CECR2: variants seen among roughly 807,000 people sequenced by gnomAD.
The protein encoded by CECR2 is CECR2 histone acetyl-lysine reader, also known as chromatin remodeling regulator CECR2.
A neutral mutation model predicts 154.5 loss-of-function variants in CECR2; 30 were observed. The ratio of observed to expected loss-of-function variants is 0.19; its 90% confidence interval spans 0.15 to 0.26. The LOEUF (loss-of-function observed/expected upper bound fraction) is 0.26. Among genes scored for constraint, CECR2 ranks in the 10% least tolerant of loss-of-function variants. CECR2 has a pLI of 1.00. For synonymous variants in CECR2, 725 were observed against 683.7 expected (o/e 1.06, Z -0.94); for missense variants, 1,743 against 1,829.3 (o/e 0.95, Z 0.86).
chr22:17,552,853 A>G lies in CECR2; in HGVS notation c.*13A>G. 3 of 1,541,984 alleles carry G rather than the reference A, an allele frequency of 1.9e-6. No individual in the cohort carries two copies. The highest frequency in any genetic ancestry group is 2.6e-6 in the Non-Finnish European group (3 of 1,143,320). On this transcript the variant is annotated 3_prime_UTR_variant, in exon 19 of 19. Transcript: ENST00000262608. ...CTTTCAGAGCTAGTCCAAGGAGGAA[A>G]TGAGCCCCAAGCAATGGAAAGCTGC...
At chr22:17,518,843 G>A (rs914150302) in intron 8 of CECR2, 40 of 271,742 alleles carry the variant, frequency 1.5e-4, no homozygotes, top group African/African-American at 8.9e-4. Context: ...GAGAGCTGAT[G>A]TAGGAGTTTT....
chr22:17,502,921 T>C (rs1176598490), intron 5 of CECR2, among the ~76,000 whole-genome samples, 161 bp from the exon 6 acceptor site: 2 of 152,212 alleles, frequency 1.3e-5, no homozygotes, highest in Non-Finnish European at 2.9e-5. Context: ...TGCATCTTAG[T>C]GTTCATTTAT....
At chr22:17,518,528 T>A in intron 8 of CECR2, 1 of 282,134 alleles carries the variant, frequency 3.5e-6, no homozygotes, top group South Asian at 4.3e-5. Flanking sequence ...TTTCATGCCT[T>A]TGTCAATATG....
intron 1 of CECR2, among the ~76,000 whole-genome samples, chr22:17,403,428 T>C (rs1293003421): frequency 6.6e-6 from 1 of 152,214 alleles, no homozygotes; most frequent in Non-Finnish European, 1.5e-5. Context: ...CTTGGACAAA[T>C]ACTTAGTAGT....
At chr22:17,485,062 A>AT (rs1270650907) in intron 2 of CECR2, among the ~76,000 whole-genome samples, 1 of 152,214 alleles carries the variant, frequency 6.6e-6, no homozygotes, top group Non-Finnish European at 1.5e-5. Context: ...ACAGGACAGC[A>AT]TAACACTGTC....
intron 1 of CECR2, among the ~76,000 whole-genome samples, chr22:17,372,056 CT>C (rs545804506): frequency 2.0e-3 from 297 of 152,272 alleles, no homozygotes; most frequent in African/African-American, 7.0e-3. Context: ...TATGACTGTC[CT>C]CTCTTTTGAC....
At position 17,548,991 on chromosome 22, in the gene CECR2, C is replaced by G. The variant is rs1188591297; in HGVS notation, c.3704C>G (p.Ser1235Cys). 4 of 1,614,002 alleles carry G rather than the reference C, an allele frequency of 2.5e-6. No homozygotes were observed. The highest frequency in any genetic ancestry group is 3.4e-6 in the Non-Finnish European group (4 of 1,179,890). ...GCCAGTCAGCCTCCCCCACCAAGGT[C>G]CCTCTTCTCAGATAAGAATGCCATG... Reference protein sequence around the residue: ...PPASQPPPPRSLFSDKNAMAS... With the variant: ...PPASQPPPPRCLFSDKNAMAS... The change falls in exon 17 of 19, where the codon TCC (serine) becomes TGC (cysteine). Residue 1235 changes from serine to cysteine, a missense_variant. By Grantham distance (112) the Ser-to-Cys change is moderately radical (BLOSUM62 -1). Coordinates refer to ENST00000262608, the MANE Select transcript of CECR2 (RefSeq NM_001290047.2).
At chr22:17,422,444 C>T (rs2054270438) in intron 1 of CECR2, among the ~76,000 whole-genome samples, 1 of 152,186 alleles carries the variant, frequency 6.6e-6, no homozygotes, top group Non-Finnish European at 1.5e-5. Context: ...CTCAGGTGAT[C>T]CGCCTGCCTC....
intron 1 of CECR2, among the ~76,000 whole-genome samples, chr22:17,412,351 T>G (rs2054079538): frequency 6.6e-6 from 1 of 152,188 alleles, no homozygotes; most frequent in Admixed American, 6.5e-5. Context: ...TGCTTACAGT[T>G]GCGCGTCATT....
At chr22:17,454,979 C>G (rs1281019148) in intron 1 of CECR2, among the ~76,000 whole-genome samples, 1 of 152,196 alleles carries the variant, frequency 6.6e-6, no homozygotes, top group East Asian at 1.9e-4. Flanking sequence ...CCTGACACGT[C>G]CACCCTACTG....
chr22:17,417,248 T>A (rs950765067), intron 1 of CECR2, among the ~76,000 whole-genome samples: 1 of 152,228 alleles, frequency 6.6e-6, no homozygotes, highest in African/African-American at 2.4e-5. Flanking sequence ...GCACTATCTT[T>A]ATAACAACTT....
intron 1 of CECR2, among the ~76,000 whole-genome samples, chr22:17,472,176 A>G (rs1429686866): frequency 6.6e-6 from 1 of 152,144 alleles, no homozygotes; most frequent in Non-Finnish European, 1.5e-5. Flanking sequence ...GCCAACTGAA[A>G]GTGTTATGTA....
chr22:17,363,215 A>G (rs1404765598), intron 1 of CECR2, among the ~76,000 whole-genome samples: 1 of 148,222 alleles, frequency 6.7e-6, no homozygotes, highest in Admixed American at 6.7e-5. Flanking sequence ...ACACCTGGCT[A>G]ATTTTTTTTT....
chr22:17,428,432 C>T (rs2054364421), intron 1 of CECR2: 1 of 151,962 alleles, frequency 6.6e-6, no homozygotes. Context: ...AGTACTTACA[C>T]AATGGCGGTA....
chr22:17,459,308 C>A (rs183698379), intron 1 of CECR2, among the ~76,000 whole-genome samples: 2 of 152,236 alleles, frequency 1.3e-5, no homozygotes. Context: ...TTGCCCTGCC[C>A]GGCCCTGCAT....
chr22:17,507,588 G>A (rs550878294), intron 7 of CECR2, among the ~76,000 whole-genome samples: 2 of 151,938 alleles, frequency 1.3e-5, no homozygotes, highest in Admixed American at 1.3e-4. Flanking sequence ...ACATTTTGGG[G>A]GATAGAAGAA....
chr22:17,493,268 G>C (rs1156919045), intron 2 of CECR2, among the ~76,000 whole-genome samples: 1 of 152,100 alleles, frequency 6.6e-6, no homozygotes, highest in Non-Finnish European at 1.5e-5. Context: ...TACTGCGCCC[G>C]GCCTCTTTTT....
At chr22:17,371,511 A>C (rs2063060587) in intron 1 of CECR2, among the ~76,000 whole-genome samples, 1 of 152,250 alleles carries the variant, frequency 6.6e-6, no homozygotes, top group South Asian at 2.1e-4. Context: ...GAGACACGGA[A>C]GCTAAAGAGT....
chr22:17,421,509 G>C (rs1206913098), intron 1 of CECR2, among the ~76,000 whole-genome samples: 2 of 150,676 alleles, frequency 1.3e-5, no homozygotes, highest in East Asian at 3.9e-4. Flanking sequence ...CAGCTACTTG[G>C]GAGGCTGAGG....
Sources: allele counts gnomAD v4.1 joint callset (sites outside exome capture counted in the v4.1 genomes callset), GRCh38; gene constraint gnomAD v4.1.1; transcripts MANE v1.5; gene names NCBI Gene and HGNC (gene_info 2026-07-23, HGNC 2026-07-21).